The following PARP10 variants were observed in gnomAD, a reference collection of about 807,000 sequenced individuals.
PARP10 encodes the protein protein mono-ADP-ribosyltransferase PARP10.
A neutral mutation model predicts 82.4 loss-of-function variants in PARP10; 56 were observed. That is an observed-to-expected ratio of 0.68 (90% CI 0.55 to 0.85). The LOEUF (loss-of-function observed/expected upper bound fraction) is 0.85, where lower values mean the gene tolerates loss of function less well. PARP10 is among the 40% of genes least tolerant of loss of function. The pLI is 0.00. For missense variants in PARP10, 1,227 were observed against 1,379.4 expected, an observed-to-expected ratio of 0.89 and a Z score of 1.75; for synonymous variants, 576 against 601.1, an observed-to-expected ratio of 0.96 and a Z score of 0.61.
upstream of PARP10, chr8:143,991,355 GC>G: frequency 1.5e-6 from 2 of 1,300,632 alleles, no homozygotes; most frequent in Non-Finnish European, 2.1e-6. Context: ...CTTACCCACA[GC>G]CCCCTTTCCA....
At chr8:143,983,135 CCACCGT>C (rs781965875) in intron 8 of PARP10, 26 bp downstream of exon 8, 1 of 1,612,066 alleles carries the variant, frequency 6.2e-7, no homozygotes, top group South Asian at 1.1e-5. Flanking sequence ...CCAGCCCACC[CCACCGT>C]CCCTCAGTCC....
chr8:143,986,403 G>T lies in PARP10; in HGVS notation c.-44C>A, dbSNP rs376283592. On this transcript the variant is annotated 5_prime_UTR_variant, in exon 1 of 11. Coordinates refer to ENST00000313028, the MANE Select transcript of PARP10 (RefSeq NM_032789.5). ...AGCCTCAGGCCATGAGCTCAGCCAG[G>T]ACTCCTGTGCCTGCCCCTCAGCAAG... 1 of 1,613,988 alleles carries T rather than the reference G, an allele frequency of 6.2e-7. No individual in the cohort carries two copies. The highest frequency in any genetic ancestry group is 1.3e-5 in the African/African-American group (1 of 74,930).
intron 1 of PARP10, among the ~76,000 whole-genome samples, chr8:144,006,205 C>T (rs1270111082): frequency 6.6e-6 from 1 of 152,228 alleles, no homozygotes; most frequent in Non-Finnish European, 1.5e-5. Context: ...CGTGATGTGC[C>T]TGGCATCTAG....
At chr8:143,996,766 G>A (rs782195988) in intron 1 of PARP10, among the ~76,000 whole-genome samples, 11 of 152,196 alleles carry the variant, frequency 7.2e-5, no homozygotes, top group Non-Finnish European at 1.2e-4. Flanking sequence ...AGGGGATGCA[G>A]GAGACACATT....
At position 143,977,810 on chromosome 8, in the gene PARP10, C is replaced by T; in HGVS notation, c.2752G>A (p.Val918Met). Residue 918 changes from valine (V) to methionine (M), a missense_variant, in exon 11 of 11, where the codon GTG becomes ATG. Physicochemically the swap from Val to Met is conservative, Grantham distance 21. Coordinates refer to ENST00000313028, the MANE Select transcript of PARP10 (RefSeq NM_032789.5). ...AGGGAGGCGCGCCTGGCGAAATACA[C>T]GCCCTTCCCGTAGACCGTGGCTGCA... ...GRNATVYGKGVYFARRASLSV... is the reference protein window; with the variant it reads ...GRNATVYGKGMYFARRASLSV... 1 of 1,599,988 alleles carries T rather than the reference C, an allele frequency of 6.3e-7. No individual in the cohort carries two copies. Among genetic ancestry groups the T allele is most frequent in the Non-Finnish European group, 8.5e-7 (1 of 1,173,826 alleles).
Position 143,986,105 on chromosome 8 carries a change from C to T in PARP10, c.131G>A (p.Ser44Asn). Residue 44 changes from serine to asparagine, a missense_variant, in exon 2 of 11, where the codon AGC becomes AAC. Coordinates refer to ENST00000313028, the MANE Select transcript of PARP10 (RefSeq NM_032789.5). Reference protein sequence around the residue: ...RRRSGGGPVLSWQRLGCGGVL... With the variant: ...RRRSGGGPVLNWQRLGCGGVL... ...GCCCCCACAGCCCAGTCTCTGCCAG[C>T]TCAACACAGGTCCCCCTCCAGAGCG... 2 of 1,614,086 alleles carry T rather than the reference C, an allele frequency of 1.2e-6. No homozygotes were observed. The highest frequency in any genetic ancestry group is 1.7e-6 in the Non-Finnish European group (2 of 1,179,996).
intron 1 of PARP10, among the ~76,000 whole-genome samples, chr8:144,010,291 G>C (rs1267858628): frequency 9.2e-5 from 14 of 152,204 alleles, no homozygotes; most frequent in African/African-American, 3.4e-4. Context: ...GACAATGCCT[G>C]CTATGACTAG....
intron 1 of PARP10, among the ~76,000 whole-genome samples, chr8:144,009,032 G>A (rs186853155): frequency 3.9e-5 from 6 of 152,270 alleles, no homozygotes; most frequent in Admixed American, 3.9e-4. Context: ...AGGAGGGGCT[G>A]GAAGCAGCAG....
At chr8:143,988,455 A>AT (rs1435089091), upstream of PARP10, among the ~76,000 whole-genome samples, 5 of 140,324 alleles carry the variant, frequency 3.6e-5, no homozygotes, top group Non-Finnish European at 6.2e-5. Flanking sequence ...CAGCTATTTT[A>AT]TTTTTATTTA....
chr8:143,986,186 C>G lies in PARP10; in HGVS notation c.50G>C (p.Gly17Ala). 1 of 1,613,750 alleles carries G rather than the reference C, an allele frequency of 6.2e-7. No homozygotes were observed. The highest frequency in any genetic ancestry group is 8.5e-7 in the Non-Finnish European group (1 of 1,179,906). ...AEAGVAVEVR[G>A]LPPAVPDELL... ...CTCGTCGGGCACGGCAGGGGGCAGT[C>G]CACGGACCTCCACTGCCACCCCTGC... Residue 17 changes from glycine (G) to alanine (A), a missense_variant, in exon 2 of 11, where the codon GGA becomes GCA. Physicochemically the swap from Gly to Ala is moderately conservative, Grantham distance 60. Transcript: ENST00000313028.
chr8:143,992,259 C>T, upstream of PARP10: 1 of 1,602,370 alleles, frequency 6.2e-7, no homozygotes, highest in Non-Finnish European at 8.5e-7. Flanking sequence ...TCCTGACCGC[C>T]AGCCTGTCGT....
chr8:143,979,665 C>CT lies in PARP10; in HGVS notation c.2557-1585dup, dbSNP rs555682288. ...GTGGCTCACGCCTGTAATCCTGGCA[C>CT]TTTGGGAGGCCAAGGTGGGTGGATC... On this transcript the variant is annotated intron_variant, in intron 9 of 10. Transcript: ENST00000313028. 1.4e-4 allele frequency among the ~76,000 whole-genome samples: 21 copies of CT among 152,280 alleles called. No individual in the cohort carries two copies. The Middle Eastern group carries it at 0.01, about 74-fold the overall frequency.
chr8:143,995,975 G>C (rs1188228114), upstream of PARP10, among the ~76,000 whole-genome samples: 2 of 152,178 alleles, frequency 1.3e-5, no homozygotes, highest in African/African-American at 2.4e-5. Context: ...GATGCATTGA[G>C]ATTCCCAGTT....
rs554703388 is a variant in PARP10 at position 143,983,514 on chromosome 8, G to A, written c.2075C>T (p.Pro692Leu). The change falls in exon 8 of 11, where the codon CCG (proline) becomes CTG (leucine). Residue 692 changes from proline (P) to leucine (L), a missense_variant. Coordinates refer to ENST00000313028, the MANE Select transcript of PARP10 (RefSeq NM_032789.5). ...ALTLSLLEQPPLEAEEPPDGG... is the reference protein window; with the variant it reads ...ALTLSLLEQPLLEAEEPPDGG... ...ATCTGGGGGCTCTTCTGCCTCCAAC[G>A]GGGGCTGCTCCAGCAGGGAGAGGGT... 2.2e-5 allele frequency: 36 copies of A among 1,605,516 alleles called. No individual in the cohort carries two copies. In the South Asian group the frequency reaches 3.0e-4, roughly 13 times the overall value.
chr8:143,981,349 ATGG>A (rs1340209342), intron 9 of PARP10, among the ~76,000 whole-genome samples: 6 of 58,782 alleles, frequency 1.0e-4, no homozygotes, highest in Non-Finnish European at 1.7e-4. Flanking sequence ...GGTGAAGGTG[ATGG>A]TGATGATGGT....
At chr8:144,007,804 G>A (rs568157599) in intron 1 of PARP10, among the ~76,000 whole-genome samples, 1 of 152,208 alleles carries the variant, frequency 6.6e-6, no homozygotes, top group African/African-American at 2.4e-5. Flanking sequence ...CTGGGAAAAT[G>A]TTGAAAGACC....
At position 143,985,386 on chromosome 8, in the gene PARP10, G is replaced by A. The variant is rs370015558; in HGVS notation, c.673+26C>T. The stretch of plus-strand genomic sequence containing the variant: ...AGATTTCTGCAGGAGAGGGACGGTC[G>A]GCTGGGTCTGCCCAGCCCCACTCAC... On this transcript the variant is annotated intron_variant, in intron 4 of 10. Coordinates refer to ENST00000313028, the MANE Select transcript of PARP10 (RefSeq NM_032789.5). The A allele has an allele frequency of 1.9e-4, 299 of 1,596,674 alleles. 1 individual carries two copies. In the African/African-American group the frequency reaches 3.4e-3, roughly 18 times the overall value.
rs201271393 is a variant in PARP10, at chr8:144,011,047, C to T, written c.-80+1483G>A. Among the ~76,000 whole-genome samples the T allele has an allele frequency of 1.4e-4, 21 of 151,698 alleles. No individual in the cohort carries two copies. In the East Asian group the frequency reaches 2.3e-3, roughly 17 times the overall value. On this transcript the variant is annotated intron_variant, in intron 1 of 3. Coordinates refer to the PARP10 transcript ENST00000530478. The surrounding 1 kb of genome is among the most constrained non-coding windows in gnomAD (Gnocchi z 4.5). ...TCACGTCTATTAGACGTCTAATAGACGTGATTAATAGCTACAAGTATATAA... is the reference window on the plus strand; with the variant it reads ...TCACGTCTATTAGACGTCTAATAGATGTGATTAATAGCTACAAGTATATAA...
At chr8:143,997,272 C>G (rs1314602111) in intron 1 of PARP10, among the ~76,000 whole-genome samples, 3 of 152,176 alleles carry the variant, frequency 2.0e-5, no homozygotes, top group Non-Finnish European at 4.4e-5. Flanking sequence ...GGCCCTCCAC[C>G]CTCTGGACCC....
Sources: allele counts gnomAD v4.1 joint callset (sites outside exome capture counted in the v4.1 genomes callset), GRCh38; gene constraint gnomAD v4.1.1; non-coding constraint Gnocchi (gnomAD v3.1); transcripts MANE v1.5; gene names NCBI Gene and HGNC (gene_info 2026-07-23, HGNC 2026-07-21).